NAALADL2: variants seen among roughly 807,000 people sequenced by gnomAD.
The protein encoded by NAALADL2 is N-acetylated alpha-linked acidic dipeptidase like 2.
A neutral mutation model predicts 87.2 loss-of-function variants in NAALADL2; 76 were observed. The observed-to-expected ratio is 0.87, with a 90% CI of 0.72 to 1.05. NAALADL2 has a LOEUF of 1.05. NAALADL2 is among the 50% of genes least tolerant of loss of function. The pLI is 0.00. For missense variants in NAALADL2, 1,089 were observed against 945.8 expected (o/e 1.15, Z -1.99); for synonymous variants, 354 against 331.0 (o/e 1.07, Z -0.75).
At chr3:175,063,800 G>T (rs77545870) in intron 1 of NAALADL2, among the ~76,000 whole-genome samples, 16,974 of 151,962 alleles carry the variant, frequency 0.11, 1,084 homozygotes, top group East Asian at 0.21. Flanking sequence ...TTTTTGGAAG[G>T]ATTTGTTCCT....
At chr3:174,521,651 T>C (rs952122642) in intron 1 of NAALADL2, among the ~76,000 whole-genome samples, 4 of 148,974 alleles carry the variant, frequency 2.7e-5, no homozygotes, top group East Asian at 2.0e-4. Context: ...TGGAGGCCTA[T>C]AGGTAATTAT....
chr3:175,603,583 G>A (rs1161244182), intron 10 of NAALADL2, among the ~76,000 whole-genome samples: 2 of 152,056 alleles, frequency 1.3e-5, no homozygotes, highest in Non-Finnish European at 2.9e-5. Flanking sequence ...GTCTTTTTGT[G>A]ATTTTCATAT....
intron 5 of NAALADL2, among the ~76,000 whole-genome samples, chr3:175,391,711 T>G (rs1769098162): frequency 6.6e-6 from 1 of 152,144 alleles, no homozygotes; most frequent in Admixed American, 6.6e-5. Flanking sequence ...GCTGCTGAGT[T>G]TGCAAATGAG....
At chr3:175,195,025 T>TTC (rs199512057) in intron 2 of NAALADL2, among the ~76,000 whole-genome samples, 6,968 of 149,512 alleles carry the variant, frequency 0.047, 165 homozygotes, top group Middle Eastern at 0.087. Context: ...TAATTTTTAA[T>TTC]TCTCTCTCTC....
chr3:175,419,454 A>G (rs1314919979), intron 5 of NAALADL2, among the ~76,000 whole-genome samples: 1 of 152,024 alleles, frequency 6.6e-6, no homozygotes, highest in Non-Finnish European at 1.5e-5. Context: ...AACAGATGAA[A>G]TTATGAAGTG....
At chr3:175,308,584 G>A (rs556656085) in intron 4 of NAALADL2, among the ~76,000 whole-genome samples, 3 of 152,296 alleles carry the variant, frequency 2.0e-5, no homozygotes, top group African/African-American at 7.2e-5. Context: ...AGGTAAATTA[G>A]AGCCAGGATG....
intron 6 of NAALADL2, among the ~76,000 whole-genome samples, chr3:175,456,863 C>T (rs1440602178): frequency 1.3e-5 from 2 of 151,990 alleles, no homozygotes; most frequent in Non-Finnish European, 2.9e-5. Flanking sequence ...CCTCCATTTC[C>T]TTCAACCTGG....
intron 13 of NAALADL2, among the ~76,000 whole-genome samples, chr3:175,761,252 T>C (rs1228647114): frequency 6.6e-6 from 1 of 152,218 alleles, no homozygotes; most frequent in Non-Finnish European, 1.5e-5. Flanking sequence ...CACTGATCTT[T>C]TTACTGTCTC....
intron 1 of NAALADL2, among the ~76,000 whole-genome samples, chr3:174,871,214 TC>T (rs1727781049): frequency 6.6e-6 from 1 of 152,226 alleles, no homozygotes; most frequent in South Asian, 2.1e-4. Flanking sequence ...TATTTCCTCT[TC>T]AGTGTTTCTA....
At chr3:175,582,925 C>A (rs187739016) in intron 10 of NAALADL2, among the ~76,000 whole-genome samples, 1 of 152,248 alleles carries the variant, frequency 6.6e-6, no homozygotes, top group Admixed American at 6.5e-5. Context: ...GTTTTGTGGA[C>A]TTTTATTCTC....
intron 2 of NAALADL2, among the ~76,000 whole-genome samples, chr3:174,565,472 A>C (rs2108521076): frequency 6.6e-6 from 1 of 152,046 alleles, no homozygotes; most frequent in South Asian, 2.1e-4. Context: ...TATGTACTTA[A>C]GTTTTCTCCA....
intron 3 of NAALADL2, among the ~76,000 whole-genome samples, chr3:174,849,777 T>C (rs1371050149): frequency 6.7e-6 from 1 of 150,228 alleles, no homozygotes; most frequent in Non-Finnish European, 1.5e-5. Flanking sequence ...ACACATACAT[T>C]AGCCTAGGCC....
intron 11 of NAALADL2, among the ~76,000 whole-genome samples, chr3:175,707,298 C>A (rs1739849180): frequency 6.6e-6 from 1 of 152,058 alleles, no homozygotes; most frequent in African/African-American, 2.4e-5. Context: ...AGACTTTATT[C>A]ATGAACAGTG....
chr3:175,406,915 T>A (rs2149077763), intron 5 of NAALADL2, among the ~76,000 whole-genome samples: 1 of 152,240 alleles, frequency 6.6e-6, no homozygotes, highest in Admixed American at 6.5e-5. Flanking sequence ...GCGCTGTGGC[T>A]CACGCCTGTA....
intron 2 of NAALADL2, among the ~76,000 whole-genome samples, chr3:174,678,268 C>T (rs1727222462): frequency 2.0e-5 from 3 of 152,110 alleles, no homozygotes; most frequent in Non-Finnish European, 4.4e-5. Flanking sequence ...GAATTTCTAA[C>T]CAGCTATTAG....
At chr3:174,767,356 T>G (rs570373876) in intron 3 of NAALADL2, among the ~76,000 whole-genome samples, 1 of 152,314 alleles carries the variant, frequency 6.6e-6, no homozygotes, top group South Asian at 2.1e-4. Flanking sequence ...TTATTAATAG[T>G]TACCCTTACC....
At chr3:174,923,520 T>A (rs933536975) in intron 1 of NAALADL2, among the ~76,000 whole-genome samples, 1 of 152,180 alleles carries the variant, frequency 6.6e-6, no homozygotes, top group African/African-American at 2.4e-5. Flanking sequence ...TATCCACTGA[T>A]GGATTTTTAA....
chr3:175,403,232 C>T (rs1711667612), intron 5 of NAALADL2, among the ~76,000 whole-genome samples: 1 of 152,026 alleles, frequency 6.6e-6, no homozygotes, highest in South Asian at 2.1e-4. Context: ...CCCAGCTCTC[C>T]CTCCTGTCTG....
chr3:174,876,307 T>C (rs1326525455), intron 1 of NAALADL2, among the ~76,000 whole-genome samples: 1 of 152,112 alleles, frequency 6.6e-6, no homozygotes, highest in Non-Finnish European at 1.5e-5. Context: ...AAGCTGTTGA[T>C]ATTTTCTTTG....
Sources: gnomAD v4.1 joint callset for allele counts (sites outside exome capture counted in the v4.1 genomes callset) on GRCh38, gnomAD v4.1.1 for gene constraint, MANE v1.5 for transcripts, NCBI Gene and HGNC (gene_info 2026-07-23, HGNC 2026-07-21) for gene names.